CD34: variants seen among roughly 807,000 people sequenced by gnomAD.
CD34 encodes the protein CD34 molecule.
A neutral mutation model predicts 40.1 loss-of-function variants in CD34; 34 were observed. The ratio of observed to expected loss-of-function variants is 0.85; its 90% CI spans 0.65 to 1.13. The LOEUF (loss-of-function observed/expected upper bound fraction) is 1.13. Among genes scored for constraint, CD34 ranks in the 50% most tolerant of loss-of-function variants. The pLI is 0.00. For synonymous variants in CD34, 209 were observed against 190.0 expected, an observed-to-expected ratio of 1.10 and a Z score of -0.82; for missense variants, 426 against 466.9, an observed-to-expected ratio of 0.91 and a Z score of 0.81.
At chr1:207,907,478 C>A (rs1164999170) in intron 1 of CD34, among the ~76,000 whole-genome samples, 1 of 152,164 alleles carries the variant, frequency 6.6e-6, no homozygotes, top group Non-Finnish European at 1.5e-5. Flanking sequence ...CACTCAAAGA[C>A]CTCTTAAGAC....
rs112211345 is a variant in CD34 at position 207,895,322 on chromosome 1, C to A, written c.597+2171G>T. ...CCTTGGGGAGTAGCAGGAGGCTTTG[C>A]CGCATGGGGGCTGAGGATGAGGAGC... On this transcript the variant is annotated intron_variant, in intron 4 of 7. Transcript: ENST00000310833. Among the ~76,000 whole-genome samples, 92 of 152,198 alleles carry A rather than the reference C, an allele frequency of 6.0e-4. 1 individual carries two copies. Among genetic ancestry groups the A allele is most frequent in the African/African-American group, 1.8e-3 (75 of 41,524 alleles).
At chr1:207,902,821 A>G (rs1388929516) in intron 1 of CD34, among the ~76,000 whole-genome samples, 1 of 152,176 alleles carries the variant, frequency 6.6e-6, no homozygotes, top group Non-Finnish European at 1.5e-5. Flanking sequence ...GTTCCAGAAG[A>G]GCAAAGCAAC....
chr1:207,889,689 G>A, intron 4 of CD34, 68 bp from the exon 5 acceptor site: 1 of 1,608,548 alleles, frequency 6.2e-7, no homozygotes, highest in Non-Finnish European at 8.5e-7. Context: ...TGCACCCAGA[G>A]TCTCTGATTA....
chr1:207,904,059 G>A (rs1662331141), intron 1 of CD34, among the ~76,000 whole-genome samples: 1 of 152,222 alleles, frequency 6.6e-6, no homozygotes, highest in Non-Finnish European at 1.5e-5. Flanking sequence ...CCTGCCACTA[G>A]TAAATTGAAG....
chr1:207,898,932 A>G, intron 3 of CD34, 41 bp downstream of exon 3: 1 of 1,607,848 alleles, frequency 6.2e-7, no homozygotes, highest in Non-Finnish European at 8.5e-7. Context: ...CATACATATG[A>G]AGTGAGGGGC....
At position 207,880,986 on chromosome 1, in the gene CD34, A is replaced by G. The variant is rs1558114605; in HGVS notation, c.*6752T>C. 2 of 152,206 alleles carry G rather than the reference A, an allele frequency of 1.3e-5. No individual in the cohort carries two copies. The highest frequency in any genetic ancestry group is 3.8e-4 in the East Asian group (2 of 5,198). The allele number at this position is 152,206 out of a possible 1,614,324, so 9.4% of individuals were successfully genotyped here. A position where few individuals can be genotyped will look rare whatever the true frequency, so the allele number is the denominator to read the frequency against. ...AGTGAAATGTATTCCTACCAAAACT[A>G]TAAGGTCATGTTTAACAACAACAAC... On this transcript the variant is annotated 3_prime_UTR_variant, in exon 8 of 8. Transcript: ENST00000310833.
At chr1:207,895,375 G>C (rs2267898) in intron 4 of CD34, among the ~76,000 whole-genome samples, 33,223 of 152,052 alleles carry the variant, frequency 0.22, 4,344 homozygotes, top group East Asian at 0.39. Flanking sequence ...ATCAACACTG[G>C]TGGAGAGACC....
At position 207,887,864 on chromosome 1, in the gene CD34, C is replaced by T. The variant is rs764223735; in HGVS notation, c.1032G>A (p.Gly344=). Residue 344 remains glycine, a synonymous_variant, in exon 8 of 8, where the codon GGG becomes GGA. Transcript: ENST00000310833. ...GGGQGYSSGP[G]TSPEAQGKAS... ...CCTTTCCCTGAGCCTCAGGGGAGGTCCCAGGTCCTGAGCTATAGCCCTGGC... is the reference window on the plus strand; with the variant it reads ...CCTTTCCCTGAGCCTCAGGGGAGGTTCCAGGTCCTGAGCTATAGCCCTGGC... 5.1e-5 allele frequency: 82 copies of T among 1,614,066 alleles called. No individual in the cohort carries two copies. Among genetic ancestry groups the T allele is most frequent in the South Asian group, 4.8e-4 (44 of 91,084 alleles).
At chr1:207,903,127 A>G (rs573208634) in intron 1 of CD34, among the ~76,000 whole-genome samples, 1 of 152,224 alleles carries the variant, frequency 6.6e-6, no homozygotes, top group Non-Finnish European at 1.5e-5. Flanking sequence ...CAATCCTGGC[A>G]TAAACACTGC....
At position 207,887,646 on chromosome 1, in the gene CD34, A is replaced by C. The variant is rs1661928667; in HGVS notation, c.*92T>G. 5.8e-6 allele frequency: 9 copies of C among 1,555,332 alleles called. No individual in the cohort carries two copies. The highest frequency in any genetic ancestry group is 7.8e-6 in the Non-Finnish European group (9 of 1,146,570). ...GCAGTGGGGAAGGGTTGGGCGTAAG[A>C]GATGTCACCTCCAGCATGGGGGTAG... is the stretch of plus-strand genomic sequence containing the variant. On this transcript the variant is annotated 3_prime_UTR_variant, in exon 8 of 8. Transcript: ENST00000310833.
intron 4 of CD34, among the ~76,000 whole-genome samples, chr1:207,895,393 C>T (rs1357610065): frequency 6.6e-6 from 1 of 152,152 alleles, no homozygotes; most frequent in Admixed American, 6.6e-5. Context: ...ACCAGGGGAA[C>T]AAAAGCACTC....
At chr1:207,896,503 T>A (rs1429879174) in intron 4 of CD34, among the ~76,000 whole-genome samples, 1 of 152,198 alleles carries the variant, frequency 6.6e-6, no homozygotes, top group Non-Finnish European at 1.5e-5. Context: ...ATAGGCAAAT[T>A]CAAGAAACTG....
At chr1:207,899,715 T>C in intron 2 of CD34, 106 bp downstream of exon 2, 1 of 979,092 alleles carries the variant, frequency 1.0e-6, no homozygotes, top group Non-Finnish European at 1.5e-6. Context: ...ACTAGGGACT[T>C]GTATAATTTC....
rs1202019387 is a variant in CD34, at chr1:207,885,174, G to C, written c.*2564C>G. 1.3e-5 allele frequency: 2 copies of C among 152,238 alleles called. No homozygotes were observed. Among genetic ancestry groups the C allele is most frequent in the African/African-American group, 2.4e-5 (1 of 41,434 alleles). 9.4% of individuals were successfully genotyped at this position (152,238 alleles called of 1,614,324 possible). ...AAGAGAAATTGGACTAGAGGGTGGG[G>C]CAGCCAGGGAGAGAAGCCCAACATG... On this transcript the variant is annotated 3_prime_UTR_variant, in exon 8 of 8. Transcript: ENST00000310833.
chr1:207,900,125 C>T lies in CD34; in HGVS notation c.80-122G>A, dbSNP rs143964302. 3,572 of 730,794 alleles carry T rather than the reference C, an allele frequency of 4.9e-3. 22 individuals are homozygous for T. Among genetic ancestry groups the T allele is most frequent in the Middle Eastern group, 0.023 (83 of 3,600 alleles). 45.3% of individuals were successfully genotyped at this position (730,794 alleles called of 1,614,324 possible). A position where few individuals can be genotyped will look rare whatever the true frequency, so the allele number is the denominator to read the frequency against. On this transcript the variant is annotated intron_variant, in intron 1 of 7. Transcript: ENST00000310833. ...AACATTCCCTGCTGCCCCTTGTTGG[C>T]AGCAACAAGAACATACTCCTGGACA...
intron 1 of CD34, among the ~76,000 whole-genome samples, chr1:207,908,923 C>T (rs1478403306): frequency 1.3e-5 from 2 of 152,166 alleles, no homozygotes; most frequent in African/African-American, 4.8e-5. Context: ...CCCCTCTACC[C>T]TAAATTTTAC....
In CD34 at chr1:207,885,995, A is replaced by G. The variant is rs1661889435; in HGVS notation, c.*1743T>C. 6.9e-6 allele frequency: 1 copy of G among 145,218 alleles called. No homozygotes were observed. Among genetic ancestry groups the G allele is most frequent in the Non-Finnish European group, 1.5e-5 (1 of 66,336 alleles). The allele number at this position is 145,218 out of a possible 1,614,324, so 9.0% of individuals were successfully genotyped here. A position where few individuals can be genotyped will look rare whatever the true frequency, so the allele number is the denominator to read the frequency against. On this transcript the variant is annotated 3_prime_UTR_variant, in exon 8 of 8. Coordinates refer to ENST00000310833, the MANE Select transcript of CD34 (RefSeq NM_001025109.2). ...AAGCTGGGGGGAGGTACATGCTTACAGATTTTTTTTTTAATTAGGCTGCTG... is the reference window on the plus strand; with the variant it reads ...AAGCTGGGGGGAGGTACATGCTTACGGATTTTTTTTTTAATTAGGCTGCTG...
intron 6 of CD34, 130 bp from the exon 7 acceptor site, chr1:207,888,976 T>G: frequency 9.7e-7 from 1 of 1,026,460 alleles, no homozygotes; most frequent in Middle Eastern, 2.3e-4. Flanking sequence ...ATTTTTGAAA[T>G]GGGATTTGAG....
chr1:207,907,820 G>T (rs1176600828), intron 1 of CD34, among the ~76,000 whole-genome samples: 1 of 152,160 alleles, frequency 6.6e-6, no homozygotes, highest in Non-Finnish European at 1.5e-5. Context: ...TCTCATTAGA[G>T]AAGTCCAAGC....
Sources: gnomAD v4.1 joint callset for allele counts (sites outside exome capture counted in the v4.1 genomes callset) on GRCh38, gnomAD v4.1.1 for gene constraint, MANE v1.5 for transcripts, NCBI Gene and HGNC (gene_info 2026-07-23, HGNC 2026-07-21) for gene names.